Variants in SLC25A19 observed in about 807,000 individuals in gnomAD.
SLC25A19 encodes the protein solute carrier family 25 member 19.
SLC25A19 carries 18 observed loss-of-function variants against 27.9 expected under a neutral mutation model. That is an observed-to-expected ratio of 0.64 (90% CI 0.45 to 0.96). The LOEUF is 0.96. SLC25A19 is among the 40% of genes least tolerant of loss of function. The pLI is 0.00. For missense variants in SLC25A19, 371 were observed against 418.3 expected (o/e 0.89, Z 0.99); for synonymous variants, 169 against 167.1 (o/e 1.01, Z -0.09).
intron 5 of SLC25A19, among the ~76,000 whole-genome samples, chr17:75,281,499 C>T (rs1402150625): frequency 6.6e-6 from 1 of 152,068 alleles, no homozygotes; most frequent in Non-Finnish European, 1.5e-5. Flanking sequence ...GAGTTTGAGA[C>T]CAGCCTGGCC....
rs776356552 is a variant in SLC25A19, at chr17:75,284,633, C to CATTTTTTTT, written c.289-1041_289-1040insAAAAAAAAT. On this transcript the variant is annotated intron_variant, in intron 4 of 7. Coordinates refer to ENST00000416858, the MANE Select transcript of SLC25A19 (RefSeq NM_001126121.2). ...GTGACCCCCTTACATTCAGATCTTT[C>CATTTTTTTT]TTTTTTTTTTTTTTTTTTTTTTTTT... Among the ~76,000 whole-genome samples, 8 of 112,292 alleles carry CATTTTTTTT rather than the reference C, an allele frequency of 7.1e-5. 4 individuals are homozygous for CATTTTTTTT. The highest frequency in any genetic ancestry group is 7.2e-5 in the Non-Finnish European group (4 of 55,872). The allele number at this position is 112,292 out of a possible 152,430, so 73.7% of individuals were successfully genotyped here.
chr17:75,285,469 T>A (rs959722153), intron 4 of SLC25A19, among the ~76,000 whole-genome samples: 1 of 152,206 alleles, frequency 6.6e-6, no homozygotes, highest in Non-Finnish European at 1.5e-5. Context: ...TGCTGCAATA[T>A]CTGTTTGCAG....
rs1486857431 is a variant in SLC25A19, at chr17:75,286,735, G to C, written c.30C>G (p.Gly10=). Residue 10 remains glycine, a synonymous_variant, in exon 3 of 8, where the codon GGC becomes GGG. Transcript: ENST00000416858. MVGYDPKPD[G]RNNTKFQVAV... is the part of the protein sequence containing the mutation. ...CCACCTGGAACTTGGTGTTATTCCT[G>C]CCATCTGGTTTGGGGTCATAGCCAA... The C allele has an allele frequency of 1.2e-6, 2 of 1,614,080 alleles. No homozygotes were observed. Among genetic ancestry groups the C allele is most frequent in the Admixed American group, 1.7e-5 (1 of 60,008 alleles).
rs375302465 is a variant in SLC25A19 at position 75,276,408 on chromosome 17, C to A, written c.774+945G>T. Among the ~76,000 whole-genome samples the A allele has an allele frequency of 3.9e-5, 6 of 152,326 alleles. No individual in the cohort carries two copies. The East Asian group carries it at 9.6e-4, about 24-fold the overall frequency. On this transcript the variant is annotated intron_variant, in intron 7 of 7. Transcript: ENST00000416858. ...TTTGGGGACCTTCCTTGCTCTGTTG[C>A]CCAGGCTGCAATGCAGTGGTGCAAT...
intron 5 of SLC25A19, among the ~76,000 whole-genome samples, chr17:75,279,817 T>G (rs2077993346): frequency 6.6e-6 from 1 of 151,518 alleles, no homozygotes; most frequent in Non-Finnish European, 1.5e-5. Context: ...CAATTCTTTG[T>G]TTTTTTTGAG....
chr17:75,284,882 A>G (rs2078145831), intron 4 of SLC25A19, among the ~76,000 whole-genome samples: 1 of 151,858 alleles, frequency 6.6e-6, no homozygotes, highest in African/African-American at 2.4e-5. Context: ...AGCTCAAGCA[A>G]TCTGCCCGCC....
At chr17:75,274,884 T>G (rs1008562530) in intron 7 of SLC25A19, among the ~76,000 whole-genome samples, 14 of 151,648 alleles carry the variant, frequency 9.2e-5, no homozygotes, top group Middle Eastern at 3.4e-3. Flanking sequence ...TTTGTTAAAA[T>G]GTACATGTGT....
At chr17:75,283,826 T>C (rs1243303156) in intron 4 of SLC25A19, among the ~76,000 whole-genome samples, 1 of 152,016 alleles carries the variant, frequency 6.6e-6, no homozygotes, top group African/African-American at 2.4e-5. Flanking sequence ...GTTAAGAAGA[T>C]ATATGGGGGC....
At chr17:75,277,788 T>C (rs2077928346) in intron 6 of SLC25A19, among the ~76,000 whole-genome samples, 1 of 151,964 alleles carries the variant, frequency 6.6e-6, no homozygotes, top group Admixed American at 6.6e-5. Flanking sequence ...AGGACCAGGA[T>C]GCCCCACCCC....
intron 4 of SLC25A19, among the ~76,000 whole-genome samples, chr17:75,283,939 C>A (rs1418411217): frequency 6.6e-6 from 1 of 152,020 alleles, no homozygotes. Flanking sequence ...CATAGTGAAA[C>A]CCTGTCTTTA....
In SLC25A19 at chr17:75,286,352, T is replaced by C. The variant is rs1175745274; in HGVS notation, c.240A>G (p.Lys80=). 6 of 1,614,154 alleles carry C rather than the reference T, an allele frequency of 3.7e-6. No individual in the cohort carries two copies. In the Admixed American group the frequency reaches 1.0e-4, roughly 27 times the overall value. The change falls in exon 4 of 8, where the codon AAA becomes AAG. Residue 80 remains lysine, a synonymous_variant. Transcript: ENST00000416858. ...AGAGAATCTGAGCTGGGACGTGTCC[T>C]TTCCAGAAAGCTGTCGGACCCTCCT... The part of the protein sequence containing the change: ...LQEEGPTAFW[K]GHVPAQILSI...
chr17:75,282,279 G>A (rs1321494912), intron 5 of SLC25A19, among the ~76,000 whole-genome samples: 2 of 152,092 alleles, frequency 1.3e-5, no homozygotes, highest in South Asian at 2.1e-4. Context: ...GGCCAGGTGC[G>A]GTGGCTCACG....
chr17:75,278,461 G>C lies in SLC25A19; in HGVS notation c.460-126C>G. 8.7e-6 allele frequency: 9 copies of C among 1,031,004 alleles called. No individual in the cohort carries two copies. The South Asian group carries it at 1.1e-4, about 12-fold the overall frequency. 63.9% of individuals were successfully genotyped at this position (1,031,004 alleles called of 1,614,324 possible). The stretch of plus-strand genomic sequence containing the variant: ...GGAGCGAAACTCCTCCTGCCAGGAA[G>C]ACAGTCAAGGGAAACGCTGGACAGA... On this transcript the variant is annotated intron_variant, in intron 5 of 7. Coordinates refer to ENST00000416858, the MANE Select transcript of SLC25A19 (RefSeq NM_001126121.2).
chr17:75,286,558 A>G (rs1460979955), intron 3 of SLC25A19, 75 bp downstream of exon 3: 9 of 1,613,902 alleles, frequency 5.6e-6, no homozygotes, highest in Non-Finnish European at 7.6e-6. Flanking sequence ...TAGAATTCCA[A>G]GTTTTAGGAA....
At chr17:75,273,758 A>C in intron 7 of SLC25A19, 119 bp from the exon 8 acceptor site, 1 of 923,410 alleles carries the variant, frequency 1.1e-6, no homozygotes, top group Non-Finnish European at 1.6e-6. Context: ...GCAAAATAGC[A>C]AATTATTTTA....
At chr17:75,287,005 A>T in intron 2 of SLC25A19, 1 of 500,042 alleles carries the variant, frequency 2.0e-6, no homozygotes, top group South Asian at 2.0e-5. Context: ...GTTCAAGACC[A>T]GCCTGGGCAA....
At chr17:75,275,760 C>A (rs1172147119) in intron 7 of SLC25A19, among the ~76,000 whole-genome samples, 1 of 150,674 alleles carries the variant, frequency 6.6e-6, no homozygotes, top group Admixed American at 6.6e-5. Context: ...TTCAAGACCA[C>A]CTTGGCCAAT....
chr17:75,282,537 G>T (rs1211847972), intron 5 of SLC25A19, among the ~76,000 whole-genome samples: 1 of 150,166 alleles, frequency 6.7e-6, no homozygotes, highest in Admixed American at 6.7e-5. Flanking sequence ...CAATAAGAGC[G>T]AGACTCCGTC....
At chr17:75,276,116 A>AG (rs1453996283) in intron 7 of SLC25A19, among the ~76,000 whole-genome samples, 1 of 152,056 alleles carries the variant, frequency 6.6e-6, no homozygotes, top group Non-Finnish European at 1.5e-5. Context: ...TCTACTAAAA[A>AG]TACAAAAAAT....
Sources: allele counts gnomAD v4.1 joint callset (sites outside exome capture counted in the v4.1 genomes callset), GRCh38; gene constraint gnomAD v4.1.1; transcripts MANE v1.5; gene names NCBI Gene and HGNC (gene_info 2026-07-23, HGNC 2026-07-21).